SLC25A48: variants seen among roughly 807,000 people sequenced by gnomAD.
The protein encoded by SLC25A48 is CTC-321K16.1.
In SLC25A48, 29 loss-of-function variants were observed where a neutral mutation model predicts 32.2. The observed-to-expected ratio is 0.90, with a 90% CI of 0.67 to 1.23. The LOEUF (loss-of-function observed/expected upper bound fraction) is 1.23, where lower values mean the gene tolerates loss of function less well. Among genes scored for constraint, SLC25A48 ranks in the 50% most tolerant of loss-of-function variants. The pLI is 0.00. For synonymous variants in SLC25A48, 164 were observed against 172.3 expected, an observed-to-expected ratio of 0.95 and a Z score of 0.38; for missense variants, 399 against 422.7, an observed-to-expected ratio of 0.94 and a Z score of 0.49.
chr5:135,784,510 C>T lies in SLC25A48; in HGVS notation c.-520-28013C>T, dbSNP rs1433205769. ...TGCACATTCCCTGTGTGATATTGTCCTAATATCAAAAAAGGGAGTTGATGA... is the reference window on the plus strand; with the variant it reads ...TGCACATTCCCTGTGTGATATTGTCTTAATATCAAAAAAGGGAGTTGATGA... On this transcript the variant is annotated intron_variant, in intron 3 of 10. Coordinates refer to the SLC25A48 transcript ENST00000646290. 7.7e-5 allele frequency among the ~76,000 whole-genome samples: 9 copies of T among 116,498 alleles called. 3 individuals are homozygous for T. Among genetic ancestry groups the T allele is most frequent in the East Asian group, 2.1e-4 (1 of 4,656 alleles). The allele number at this position is 116,498 out of a possible 152,430, so 76.4% of individuals were successfully genotyped here. A position where few individuals can be genotyped will look rare whatever the true frequency, so the allele number is the denominator to read the frequency against.
intron 3 of SLC25A48, among the ~76,000 whole-genome samples, chr5:135,682,172 CTA>C (rs1010317640): frequency 8.5e-5 from 13 of 152,160 alleles, no homozygotes; most frequent in African/African-American, 3.1e-4. Context: ...GGCCTGGAAA[CTA>C]TAGGCAGGCA....
chr5:135,863,903 C>A (rs551291798), intron 4 of SLC25A48, among the ~76,000 whole-genome samples: 36 of 152,182 alleles, frequency 2.4e-4, no homozygotes, highest in African/African-American at 8.4e-4. Flanking sequence ...GCGTTCATTT[C>A]CAAGTTGGGA....
At chr5:135,604,299 C>T (rs985031040) in intron 1 of SLC25A48, among the ~76,000 whole-genome samples, 2 of 152,216 alleles carry the variant, frequency 1.3e-5, no homozygotes, top group African/African-American at 4.8e-5. Flanking sequence ...TTACCCAGCC[C>T]AGGGCCAGCC....
intron 3 of SLC25A48, among the ~76,000 whole-genome samples, chr5:135,685,122 G>A (rs2126953538): frequency 6.6e-6 from 1 of 152,108 alleles, no homozygotes; most frequent in Non-Finnish European, 1.5e-5. Context: ...GGTATCTTGT[G>A]GTAGTTTCAG....
chr5:135,641,512 C>CA (rs59155405), intron 3 of SLC25A48, among the ~76,000 whole-genome samples: 152,181 of 152,272 alleles, frequency 1, 76,045 homozygotes, highest in Middle Eastern at 1. Flanking sequence ...TGAAGAACAA[C>CA]ATAGGCTCCC....
At chr5:135,707,425 GC>G (rs943731883) in intron 3 of SLC25A48, among the ~76,000 whole-genome samples, 1 of 152,084 alleles carries the variant, frequency 6.6e-6, no homozygotes, top group Non-Finnish European at 1.5e-5. Context: ...GATCTGCCCT[GC>G]CCAGATCCCT....
At chr5:135,613,445 C>T (rs1341393992) in intron 1 of SLC25A48, among the ~76,000 whole-genome samples, 1 of 152,054 alleles carries the variant, frequency 6.6e-6, no homozygotes, top group Non-Finnish European at 1.5e-5. Context: ...TTTCATTTGT[C>T]TATTTTTGTT....
At chr5:135,843,116 T>C (rs781260075) in intron 2 of SLC25A48, among the ~76,000 whole-genome samples, 1 of 152,214 alleles carries the variant, frequency 6.6e-6, no homozygotes, top group Non-Finnish European at 1.5e-5. Flanking sequence ...ACCCTCTTGA[T>C]GGGAAGATCA....
intron 1 of SLC25A48, among the ~76,000 whole-genome samples, chr5:135,604,915 A>G (rs1377220509): frequency 1.3e-5 from 2 of 152,038 alleles, no homozygotes; most frequent in East Asian, 3.9e-4. Flanking sequence ...TAAGTGGGTA[A>G]TAATAACACT....
In SLC25A48 at chr5:135,850,415, C is replaced by T. The variant is rs773632631; in HGVS notation, c.91-10C>T. On this transcript the variant is annotated splice_polypyrimidine_tract_variant and intron_variant, in intron 2 of 7. Coordinates refer to ENST00000681962, the MANE Select transcript of SLC25A48 (RefSeq NM_001349336.2). ...TCTGCGCTGACCCATGTCCTTGCCTCTCTCCATAGACTCGCCTGCAGGCTG... is the reference window on the plus strand; with the variant it reads ...TCTGCGCTGACCCATGTCCTTGCCTTTCTCCATAGACTCGCCTGCAGGCTG... 1.9e-6 allele frequency: 3 copies of T among 1,614,146 alleles called. No homozygotes were observed. The highest frequency in any genetic ancestry group is 2.2e-5 in the South Asian group (2 of 91,088).
At chr5:135,674,607 G>T (rs1053602312) in intron 3 of SLC25A48, among the ~76,000 whole-genome samples, 1 of 151,144 alleles carries the variant, frequency 6.6e-6, no homozygotes, top group African/African-American at 2.4e-5. Context: ...GTGCCTTTCT[G>T]TGTCTTTTTT....
At chr5:135,665,136 A>G (rs1330938217) in intron 3 of SLC25A48, among the ~76,000 whole-genome samples, 2 of 152,210 alleles carry the variant, frequency 1.3e-5, no homozygotes, top group African/African-American at 4.8e-5. Context: ...GTAAGGTGGT[A>G]TGTCATTGTA....
chr5:135,582,326 A>G (rs1266147128), intron 1 of SLC25A48, among the ~76,000 whole-genome samples: 3 of 152,148 alleles, frequency 2.0e-5, no homozygotes. Context: ...CTCAGAGTCT[A>G]GTGGGGAAGG....
In SLC25A48 at chr5:135,622,126, A is replaced by T. The variant is rs72787190; in HGVS notation, c.-848-7111A>T. On this transcript the variant is annotated intron_variant, in intron 1 of 10. Transcript: ENST00000646290. ...CAGTCAAAAAATGCACAATAAAACA[A>T]TATATCATTTTTCATATTTCCAGAG... Among the ~76,000 whole-genome samples, 4 of 152,282 alleles carry T rather than the reference A, an allele frequency of 2.6e-5. No homozygotes were observed. In the South Asian group the frequency reaches 6.2e-4, roughly 24 times the overall value.
chr5:135,657,685 G>A (rs917035564), intron 3 of SLC25A48, among the ~76,000 whole-genome samples: 1 of 152,208 alleles, frequency 6.6e-6, no homozygotes, highest in Non-Finnish European at 1.5e-5. Flanking sequence ...TACTGACTGT[G>A]TGTATCTAGT....
chr5:135,754,484 C>T (rs1185887103), intron 3 of SLC25A48, among the ~76,000 whole-genome samples: 1 of 151,748 alleles, frequency 6.6e-6, no homozygotes. Context: ...ACAGTGCTTA[C>T]ACACTGTGAT....
intron 3 of SLC25A48, among the ~76,000 whole-genome samples, chr5:135,746,592 CGACTGG>C (rs1187204923): frequency 1.3e-5 from 2 of 152,174 alleles, no homozygotes; most frequent in East Asian, 3.8e-4. Flanking sequence ...TTGGGCGGAG[CGACTGG>C]GACTCACTTC....
chr5:135,778,014 T>C (rs1327432145), intron 3 of SLC25A48, among the ~76,000 whole-genome samples: 1 of 145,542 alleles, frequency 6.9e-6, no homozygotes, highest in Non-Finnish European at 1.5e-5. Flanking sequence ...TTGTTTCTAA[T>C]ATCCAAACGG....
intron 4 of SLC25A48, among the ~76,000 whole-genome samples, chr5:135,863,048 G>A (rs1009752759): frequency 6.6e-6 from 1 of 152,164 alleles, no homozygotes; most frequent in African/African-American, 2.4e-5. Context: ...TATAGCCACA[G>A]ACCTGGGGCC....
Sources: allele counts gnomAD v4.1 joint callset (sites outside exome capture counted in the v4.1 genomes callset), GRCh38; gene constraint gnomAD v4.1.1; transcripts MANE v1.5; gene names NCBI Gene and HGNC (gene_info 2026-07-23, HGNC 2026-07-21).